The following PGCKA1 variants were observed in gnomAD, a reference collection of about 807,000 sequenced individuals.
PGCKA1 encodes PDCD10 and GCKIII kinases-associated protein 1.
chr4:37,468,977 C>A, the PGCKA1 span, among the ~76,000 whole-genome samples: 1 of 152,110 alleles, frequency 6.6e-6, no homozygotes, highest in Non-Finnish European at 1.5e-5. Flanking sequence ...TACCTCATAA[C>A]AACGTTTGGG....
the PGCKA1 span, among the ~76,000 whole-genome samples, chr4:37,555,776 T>C: frequency 6.6e-6 from 1 of 152,184 alleles, no homozygotes; most frequent in Non-Finnish European, 1.5e-5. Context: ...TCAAACCTTT[T>C]CTACTGCTGC....
the PGCKA1 span, among the ~76,000 whole-genome samples, chr4:37,462,499 A>G: frequency 5.3e-5 from 8 of 152,272 alleles, no homozygotes; most frequent in East Asian, 1.9e-4. Context: ...CGATGCTTCA[A>G]AGTTTATATT....
the PGCKA1 span, among the ~76,000 whole-genome samples, chr4:37,567,318 A>G: frequency 3.9e-5 from 6 of 152,212 alleles, no homozygotes; most frequent in Non-Finnish European, 8.8e-5. Flanking sequence ...TCCTTGGCAC[A>G]TAGAAAACAC....
the PGCKA1 span, among the ~76,000 whole-genome samples, chr4:37,592,208 CAAAAAAAAAA>C: frequency 2.7e-3 from 254 of 93,376 alleles, 2 homozygotes; most frequent in African/African-American, 0.011. Context: ...GACTCCATCT[CAAAAAAAAAA>C]AAAAAAAAAA....
the PGCKA1 span, among the ~76,000 whole-genome samples, chr4:37,531,914 AAT>A: frequency 3.4e-5 from 5 of 148,552 alleles, no homozygotes; most frequent in South Asian, 4.3e-4. Flanking sequence ...AAAAAAAAAG[AAT>A]GAAGTAAAGA....
At chr4:37,469,411 T>C in the PGCKA1 span, among the ~76,000 whole-genome samples, 1 of 152,186 alleles carries the variant, frequency 6.6e-6, no homozygotes, top group African/African-American at 2.4e-5. Context: ...GAATACCAAC[T>C]TCACATAGAG....
the PGCKA1 span, among the ~76,000 whole-genome samples, chr4:37,502,404 G>A: frequency 6.6e-6 from 1 of 152,180 alleles, no homozygotes; most frequent in African/African-American, 2.4e-5. Flanking sequence ...ACGTGGGTAG[G>A]GTGCTGGTGG....
the PGCKA1 span, among the ~76,000 whole-genome samples, chr4:37,539,993 G>C: frequency 2.0e-5 from 3 of 152,050 alleles, no homozygotes; most frequent in African/African-American, 2.4e-5. Flanking sequence ...ACACCTTACT[G>C]TTACTAAATG....
chr4:37,513,393 A>C, the PGCKA1 span, among the ~76,000 whole-genome samples: 1 of 152,224 alleles, frequency 6.6e-6, no homozygotes, highest in Non-Finnish European at 1.5e-5. Flanking sequence ...ACCAAGACTC[A>C]GGTTCTGACA....
the PGCKA1 span, among the ~76,000 whole-genome samples, chr4:37,580,741 T>G: frequency 1.3e-5 from 2 of 152,154 alleles, no homozygotes; most frequent in Admixed American, 6.5e-5. Flanking sequence ...CCCAGGGCCC[T>G]CTGTAACCAC....
At chr4:37,519,876 A>G in the PGCKA1 span, among the ~76,000 whole-genome samples, 4 of 152,176 alleles carry the variant, frequency 2.6e-5, no homozygotes, top group African/African-American at 9.7e-5. Flanking sequence ...TCGCCATTCA[A>G]TATGATACTA....
At chr4:37,526,957 T>C in the PGCKA1 span, among the ~76,000 whole-genome samples, 9 of 152,298 alleles carry the variant, frequency 5.9e-5, no homozygotes, top group South Asian at 1.9e-3. Context: ...GATAGCTCCA[T>C]GCATGTTATT....
At chr4:37,500,605 G>A in the PGCKA1 span, among the ~76,000 whole-genome samples, 8 of 152,224 alleles carry the variant, frequency 5.3e-5, no homozygotes, top group Non-Finnish European at 1.2e-4. Flanking sequence ...TTGTTTGGTG[G>A]TGGAGAGTTC....
At chr4:37,587,026 AG>A in the PGCKA1 span, among the ~76,000 whole-genome samples, 1 of 152,170 alleles carries the variant, frequency 6.6e-6, no homozygotes, top group Non-Finnish European at 1.5e-5. Flanking sequence ...TCAGGGATCA[AG>A]GTGTCACCGG....
the PGCKA1 span, among the ~76,000 whole-genome samples, chr4:37,572,063 C>CTTTTTTT: frequency 1.8e-3 from 159 of 89,950 alleles, no homozygotes; most frequent in Non-Finnish European, 2.7e-3. Flanking sequence ...TTTTTTTTTT[C>CTTTTTTT]TTTTTTTTTT....
the PGCKA1 span, among the ~76,000 whole-genome samples, chr4:37,497,729 T>C: frequency 6.6e-6 from 1 of 152,152 alleles, no homozygotes; most frequent in Non-Finnish European, 1.5e-5. Flanking sequence ...GATGGGATTG[T>C]TTGTTTTTTT....
chr4:37,506,588 TA>T, the PGCKA1 span, among the ~76,000 whole-genome samples: 149 of 144,654 alleles, frequency 1.0e-3, no homozygotes, highest in Middle Eastern at 3.5e-3. Context: ...TTTCCAAAAT[TA>T]CTTTTTTTTT....
At chr4:37,479,208 T>C in the PGCKA1 span, among the ~76,000 whole-genome samples, 1 of 152,292 alleles carries the variant, frequency 6.6e-6, no homozygotes, top group South Asian at 2.1e-4. Context: ...TTTAAGAAAT[T>C]AAACATCTAA....
the PGCKA1 span, among the ~76,000 whole-genome samples, chr4:37,454,791 G>T: frequency 2.0e-5 from 3 of 152,198 alleles, no homozygotes; most frequent in East Asian, 5.8e-4. Context: ...AAAAGGCAAG[G>T]ATCAATGCTT....
Sources: allele counts gnomAD v4.1 joint callset (sites outside exome capture counted in the v4.1 genomes callset), GRCh38; gene constraint gnomAD v4.1.1; transcripts MANE v1.5; gene names NCBI Gene and HGNC (gene_info 2026-07-23, HGNC 2026-07-21).